DPH6: variants seen among roughly 807,000 people sequenced by gnomAD.
The protein encoded by DPH6 is diphthamine biosynthesis 6.
DPH6 carries 33 observed loss-of-function variants against 38.2 expected under a neutral mutation model. The ratio of observed to expected loss-of-function variants is 0.86; its 90% CI spans 0.65 to 1.15. The LOEUF (loss-of-function observed/expected upper bound fraction) is 1.15. Ranked by LOEUF, DPH6 falls within the 50% of genes most tolerant of loss-of-function variation. The pLI, the probability that DPH6 is intolerant of heterozygous loss-of-function variation, is 0.00. For missense variants in DPH6, 325 were observed against 320.0 expected (o/e 1.02, Z -0.12); for synonymous variants, 108 against 103.0 (o/e 1.05, Z -0.30).
chr15:35,261,773 C>T (rs1014354083), intron 3 of DPH6, among the ~76,000 whole-genome samples: 3 of 150,862 alleles, frequency 2.0e-5, no homozygotes, highest in Non-Finnish European at 4.4e-5. Flanking sequence ...GTCGAGGCTT[C>T]AGTAAGCCCT....
chr15:35,344,884 G>C (rs898610336), intron 3 of DPH6, among the ~76,000 whole-genome samples: 1 of 151,832 alleles, frequency 6.6e-6, no homozygotes, highest in African/African-American at 2.4e-5. Context: ...TTTTAAAACA[G>C]TGGGAATCAT....
chr15:35,513,240 C>T (rs911851540), intron 3 of DPH6, among the ~76,000 whole-genome samples: 9 of 151,842 alleles, frequency 5.9e-5, no homozygotes, highest in South Asian at 4.1e-4. Flanking sequence ...TTTATACTTT[C>T]GTGTATTTTT....
chr15:35,430,393 G>GAA (rs562833474), intron 5 of DPH6, among the ~76,000 whole-genome samples: 32,683 of 137,450 alleles, frequency 0.24, 3,779 homozygotes, highest in South Asian at 0.37. Context: ...CCTTCATACT[G>GAA]AAAAAAAAAA....
chr15:35,322,938 G>C (rs762392125), intron 3 of DPH6, among the ~76,000 whole-genome samples: 36 of 151,742 alleles, frequency 2.4e-4, no homozygotes, highest in Non-Finnish European at 4.7e-4. Flanking sequence ...ATACCTACTT[G>C]ATTGAAGGAA....
At chr15:35,388,576 GTA>G (rs1467251170) in intron 6 of DPH6, among the ~76,000 whole-genome samples, 2 of 152,188 alleles carry the variant, frequency 1.3e-5, no homozygotes, top group Non-Finnish European at 2.9e-5. Context: ...TTGGAAGAGT[GTA>G]TGTGTCCAGG....
At chr15:35,299,230 G>A (rs2052036882) in intron 3 of DPH6, 16 of 1,198,946 alleles carry the variant, frequency 1.3e-5, no homozygotes, top group Non-Finnish European at 2.0e-5. Flanking sequence ...GGCACATGCG[G>A]TGGTGTGTCC....
At chr15:35,324,176 C>T (rs1257784068) in intron 3 of DPH6, among the ~76,000 whole-genome samples, 4 of 152,100 alleles carry the variant, frequency 2.6e-5, no homozygotes, top group Non-Finnish European at 5.9e-5. Context: ...CAGTGCCCAG[C>T]ATATGGTAGA....
At chr15:35,333,879 G>A (rs1442551615) in intron 3 of DPH6, among the ~76,000 whole-genome samples, 1 of 152,126 alleles carries the variant, frequency 6.6e-6, no homozygotes, top group Non-Finnish European at 1.5e-5. Context: ...CAACCTAAAT[G>A]CCCATTAGTG....
At chr15:35,500,846 C>T (rs8042189) in intron 3 of DPH6, among the ~76,000 whole-genome samples, 2,775 of 152,206 alleles carry the variant, frequency 0.018, 83 homozygotes, top group African/African-American at 0.062. Context: ...GCAACCTCTG[C>T]CTCCCAGGTT....
the DPH6 span, among the ~76,000 whole-genome samples, chr15:35,167,969 C>A: frequency 1.3e-5 from 2 of 151,936 alleles, no homozygotes; most frequent in African/African-American, 4.8e-5. Flanking sequence ...TTTGGCCCTG[C>A]GGATCTAGTC....
intron 6 of DPH6, among the ~76,000 whole-genome samples, chr15:35,397,589 A>T (rs1336116119): frequency 6.6e-6 from 1 of 152,168 alleles, no homozygotes. Flanking sequence ...GGGAATGCTG[A>T]GGACCAATCT....
At chr15:35,254,820 T>C (rs1489082779) in intron 3 of DPH6, among the ~76,000 whole-genome samples, 6 of 151,588 alleles carry the variant, frequency 4.0e-5, no homozygotes, top group Non-Finnish European at 8.8e-5. Context: ...GGGAAGGTAA[T>C]GGAAAATTAC....
At chr15:35,239,133 C>T (rs1325000950) in intron 3 of DPH6, among the ~76,000 whole-genome samples, 3 of 143,870 alleles carry the variant, frequency 2.1e-5, no homozygotes, top group East Asian at 2.2e-4. Flanking sequence ...CTCTTTGCTC[C>T]GTGAGAAAGA....
At chr15:35,294,790 A>C (rs549021855) in intron 3 of DPH6, among the ~76,000 whole-genome samples, 1 of 152,354 alleles carries the variant, frequency 6.6e-6, no homozygotes, top group African/African-American at 2.4e-5. Context: ...TGAGGTGCAA[A>C]GAGCTATAAG....
intron 3 of DPH6, among the ~76,000 whole-genome samples, chr15:35,496,228 A>G (rs2054546763): frequency 6.6e-6 from 1 of 152,252 alleles, no homozygotes; most frequent in Admixed American, 6.5e-5. Flanking sequence ...GATATTTACA[A>G]TACACGTATC....
the DPH6 span, among the ~76,000 whole-genome samples, chr15:35,187,542 T>C: frequency 3.9e-5 from 6 of 152,216 alleles, no homozygotes; most frequent in Admixed American, 3.9e-4. Context: ...CAGCTGCTTT[T>C]TTTGTCCAGT....
intron 3 of DPH6, among the ~76,000 whole-genome samples, chr15:35,243,306 C>T (rs1223854270): frequency 1.4e-5 from 2 of 141,786 alleles, no homozygotes; most frequent in African/African-American, 5.1e-5. Flanking sequence ...AGAAACATCG[C>T]CCATTCTCTC....
At chr15:35,423,554 T>C (rs1490233534) in intron 5 of DPH6, among the ~76,000 whole-genome samples, 1 of 151,674 alleles carries the variant, frequency 6.6e-6, no homozygotes, top group African/African-American at 2.4e-5. Flanking sequence ...GATGCAATCC[T>C]ATATGTCTAT....
chr15:35,409,928 T>A (rs569690800), intron 6 of DPH6, among the ~76,000 whole-genome samples: 206 of 151,848 alleles, frequency 1.4e-3, no homozygotes, highest in African/African-American at 4.8e-3. Flanking sequence ...ATTAACACTA[T>A]GAAAAAAATA....
Sources: gnomAD v4.1 joint callset for allele counts (sites outside exome capture counted in the v4.1 genomes callset) on GRCh38, gnomAD v4.1.1 for gene constraint, MANE v1.5 for transcripts, NCBI Gene and HGNC (gene_info 2026-07-23, HGNC 2026-07-21) for gene names.